The following SERAC1 variants were observed in gnomAD, a reference collection of about 807,000 sequenced individuals.
SERAC1 encodes the protein serine active site containing 1.
In SERAC1, 36 loss-of-function variants were observed where a neutral mutation model predicts 85.7. The ratio of observed to expected loss-of-function variants is 0.42; its 90% CI spans 0.32 to 0.55. The LOEUF is 0.55. Ranked by LOEUF, SERAC1 falls within the 20% of genes least tolerant of loss-of-function variation. SERAC1 has a pLI of 0.11. For synonymous variants in SERAC1, 242 were observed against 265.3 expected, an observed-to-expected ratio of 0.91 and a Z score of 0.85; for missense variants, 629 against 796.2, an observed-to-expected ratio of 0.79 and a Z score of 2.53.
chr6:158,158,454 G>A, intron 1 of SERAC1, 90 bp from the exon 2 acceptor site: 1 of 933,168 alleles, frequency 1.1e-6, no homozygotes, highest in Non-Finnish European at 1.7e-6. Context: ...CCATCACAGT[G>A]GATGACCCAC....
Position 158,120,691 on chromosome 6 carries a change from T to C in SERAC1, c.1016-116A>G. The C allele has an allele frequency of 8.6e-7, 1 of 1,161,290 alleles. No individual in the cohort carries two copies. The highest frequency in any genetic ancestry group is 1.2e-6 in the Non-Finnish European group (1 of 841,192). The allele number at this position is 1,161,290 out of a possible 1,614,324, so 71.9% of individuals were successfully genotyped here. ...AAGGCAAACCTTGCGTGTCTGTCCT[T>C]GGCGGAGAAGTCCGACTATTCCAAC... On this transcript the variant is annotated intron_variant, in intron 10 of 16. Transcript: ENST00000647468. The surrounding 1 kb of genome is among the most constrained non-coding windows in gnomAD (Gnocchi z 4.4).
intron 12 of SERAC1, among the ~76,000 whole-genome samples, chr6:158,118,711 AG>A (rs776478159): frequency 3.3e-5 from 5 of 152,058 alleles, no homozygotes; most frequent in African/African-American, 1.2e-4. Flanking sequence ...TCATAGAATT[AG>A]GTAACTATTA....
chr6:158,143,959 T>A (rs1784991341), intron 7 of SERAC1, among the ~76,000 whole-genome samples: 1 of 152,120 alleles, frequency 6.6e-6, no homozygotes, highest in African/African-American at 2.4e-5. Context: ...CCACAAAGGA[T>A]TATCTGGCCC....
intron 16 of SERAC1, chr6:158,112,999 A>C (rs577769042): frequency 6.0e-6 from 1 of 167,728 alleles, no homozygotes; most frequent in African/African-American, 2.4e-5. Flanking sequence ...GTAGTTCAAC[A>C]CTAGTTTTTC....
chr6:158,120,795 A>G lies in SERAC1; in HGVS notation c.1016-220T>C, dbSNP rs1562436168. Among the ~76,000 whole-genome samples the G allele has an allele frequency of 6.6e-6, 1 of 152,184 alleles. No homozygotes were observed. Among genetic ancestry groups the G allele is most frequent in the East Asian group, 1.9e-4 (1 of 5,200 alleles). ...CCCTTAAGGGACCTCAAAGAAGGAAAGAGGGGTTGAAGAGCCATTTTCTTT... is the reference window on the plus strand; with the variant it reads ...CCCTTAAGGGACCTCAAAGAAGGAAGGAGGGGTTGAAGAGCCATTTTCTTT... On this transcript the variant is annotated intron_variant, in intron 10 of 16. Transcript: ENST00000647468. This position sits in a 1 kb window ranked among gnomAD's most constrained non-coding sequence, Gnocchi z 4.4.
chr6:158,123,505 G>A (rs1446328972), intron 10 of SERAC1, among the ~76,000 whole-genome samples: 1 of 152,180 alleles, frequency 6.6e-6, no homozygotes, highest in Non-Finnish European at 1.5e-5. Flanking sequence ...AGGAATATGT[G>A]GAAGGTTTAA....
At chr6:158,165,635 C>A (rs1464799023) in intron 1 of SERAC1, among the ~76,000 whole-genome samples, 3 of 152,208 alleles carry the variant, frequency 2.0e-5, no homozygotes, top group Non-Finnish European at 4.4e-5. Flanking sequence ...CACAAATCTT[C>A]TCCATCACTA....
In SERAC1 at chr6:158,114,805, G is replaced by T; in HGVS notation, c.1668C>A (p.Val556=). ...AAGTATTACCCTTGCTGAGTTCTTTGACTTCCAACGAGGGGAAGAGAAGAT... is the reference window on the plus strand; with the variant it reads ...AAGTATTACCCTTGCTGAGTTCTTTTACTTCCAACGAGGGGAAGAGAAGAT... ...IRYLLFPSLE[V]KELSKDSPAL... is the part of the protein sequence containing the mutation. The change falls in exon 15 of 17, where the codon GTC becomes GTA. Residue 556 remains valine, a synonymous_variant. Coordinates refer to ENST00000647468, the MANE Select transcript of SERAC1 (RefSeq NM_032861.4). The T allele has an allele frequency of 6.2e-7, 1 of 1,607,766 alleles. No individual in the cohort carries two copies. The highest frequency in any genetic ancestry group is 8.5e-7 in the Non-Finnish European group (1 of 1,177,912).
At chr6:158,154,116 C>T (rs530493153) in intron 3 of SERAC1, among the ~76,000 whole-genome samples, 8 of 138,972 alleles carry the variant, frequency 5.8e-5, no homozygotes, top group Non-Finnish European at 1.1e-4. Flanking sequence ...GTGGAGATCA[C>T]GCTACTGCAC....
intron 3 of SERAC1, among the ~76,000 whole-genome samples, chr6:158,152,150 A>T (rs1440085411): frequency 6.6e-6 from 1 of 152,208 alleles, no homozygotes; most frequent in Non-Finnish European, 1.5e-5. Context: ...AGGCTGAGGC[A>T]GGAGGATCAC....
At chr6:158,142,921 A>G (rs1286384962) in intron 8 of SERAC1, 135 bp downstream of exon 8, 3 of 663,908 alleles carry the variant, frequency 4.5e-6, no homozygotes, top group South Asian at 4.0e-5. Flanking sequence ...CATCCCTGAC[A>G]TCCAGCCCAG....
chr6:158,156,063 C>T (rs1296563389), intron 2 of SERAC1, among the ~76,000 whole-genome samples: 1 of 152,138 alleles, frequency 6.6e-6, no homozygotes, highest in Non-Finnish European at 1.5e-5. Context: ...GCAGGAGAAT[C>T]GCTTGAACCA....
intron 6 of SERAC1, chr6:158,146,157 G>A (rs1372913804): frequency 6.6e-6 from 1 of 152,100 alleles, no homozygotes; most frequent in African/African-American, 2.4e-5. Flanking sequence ...GTAACTATCA[G>A]AATCAAGAGT....
rs1398045297 is a variant in SERAC1, at chr6:158,114,820, G to A, written c.1653C>T (p.Phe551=). The A allele has an allele frequency of 1.9e-6, 3 of 1,603,818 alleles. No individual in the cohort carries two copies. Among genetic ancestry groups the A allele is most frequent in the African/African-American group, 2.8e-5 (2 of 71,598 alleles). ...TGAGTTCTTTGACTTCCAACGAGGG[G>A]AAGAGAAGATAGCGAATATTAACAG... ...EYSVNIRYLL[F]PSLEVKELSK... is the part of the protein sequence containing the mutation. Residue 551 remains phenylalanine (F), a synonymous_variant, in exon 15 of 17, where the codon TTC becomes TTT. Transcript: ENST00000647468.
chr6:158,128,148 C>G lies in SERAC1; in HGVS notation c.975G>C (p.Met325Ile), dbSNP rs1784589802. The change falls in exon 10 of 17, where the codon ATG (methionine) becomes ATC (isoleucine). Residue 325 changes from methionine to isoleucine, a missense_variant. Transcript: ENST00000647468. ...AAGAATGAAGATGTTCATTCAAAGC[C>G]ATATTTCCAATGACACGCATTATAT... ...QRNIMRVIGN[M>I]ALNEHLHSSI... 2 of 1,613,928 alleles carry G rather than the reference C, an allele frequency of 1.2e-6. No homozygotes were observed. Among genetic ancestry groups the G allele is most frequent in the African/African-American group, 2.7e-5 (2 of 74,886 alleles).
intron 8 of SERAC1, among the ~76,000 whole-genome samples, chr6:158,134,950 A>G (rs1784757596): frequency 6.6e-6 from 1 of 152,178 alleles, no homozygotes; most frequent in African/African-American, 2.4e-5. Context: ...ATAAGTGTTG[A>G]GCTGGCATCA....
chr6:158,144,313 G>A lies in SERAC1; in HGVS notation c.595C>T (p.Pro199Ser). ...GTTTTACTTACTTCTTTTAAAGATGGCAAAGGAGGTGGTAGGAGAAAAAAG... is the reference window on the plus strand; with the variant it reads ...GTTTTACTTACTTCTTTTAAAGATGACAAAGGAGGTGGTAGGAGAAAAAAG... ...LRFFLLPPPL[P>S]SLKEDSSTEE... Residue 199 changes from proline (P) to serine (S), a missense_variant, in exon 7 of 17, where the codon CCA becomes TCA. Transcript: ENST00000647468. 1.2e-6 allele frequency: 2 copies of A among 1,610,464 alleles called. No individual in the cohort carries two copies. Among genetic ancestry groups the A allele is most frequent in the East Asian group, 2.2e-5 (1 of 44,816 alleles).
At chr6:158,165,498 G>C (rs968815372) in intron 1 of SERAC1, among the ~76,000 whole-genome samples, 1 of 152,088 alleles carries the variant, frequency 6.6e-6, no homozygotes, top group Non-Finnish European at 1.5e-5. Flanking sequence ...AGTACCTCTA[G>C]CTACGATCTT....
At chr6:158,162,048 C>T (rs1785500077) in intron 1 of SERAC1, 1 of 152,224 alleles carries the variant, frequency 6.6e-6, no homozygotes, top group Non-Finnish European at 1.5e-5. Flanking sequence ...TGGTACTTCC[C>T]CATGTGGCCT....
Sources: allele counts gnomAD v4.1 joint callset (sites outside exome capture counted in the v4.1 genomes callset), GRCh38; gene constraint gnomAD v4.1.1; non-coding constraint Gnocchi (gnomAD v3.1); transcripts MANE v1.5; gene names NCBI Gene and HGNC (gene_info 2026-07-23, HGNC 2026-07-21).